The following RREB1 variants were observed in gnomAD, a reference collection of about 807,000 sequenced individuals.
The protein encoded by RREB1 is ras responsive element binding protein 1.
RREB1 carries 27 observed loss-of-function variants against 117.8 expected under a neutral mutation model. The ratio of observed to expected loss-of-function variants is 0.23; its 90% CI spans 0.17 to 0.32. The LOEUF is 0.32. Among genes scored for constraint, RREB1 ranks in the 10% least tolerant of loss-of-function variants. RREB1 has a pLI of 1.00. For synonymous variants in RREB1, 1,298 were observed against 1,026.7 expected (o/e 1.26, Z -5.05); for missense variants, 2,577 against 2,378.2 (o/e 1.08, Z -1.74).
intron 1 of RREB1, among the ~76,000 whole-genome samples, chr6:7,155,502 G>C (rs1024722472): frequency 7.2e-5 from 11 of 152,198 alleles, no homozygotes; most frequent in Non-Finnish European, 2.9e-5. Flanking sequence ...GTAGAGACAG[G>C]GTTTCACCCT....
chr6:7,147,305 T>C (rs146737770), intron 1 of RREB1, among the ~76,000 whole-genome samples: 364 of 152,334 alleles, frequency 2.4e-3, no homozygotes, highest in Middle Eastern at 6.8e-3. Context: ...TTAGAATACC[T>C]ACCATACTGC....
At chr6:7,142,771 G>A (rs749638514) in intron 1 of RREB1, among the ~76,000 whole-genome samples, 1 of 152,246 alleles carries the variant, frequency 6.6e-6, no homozygotes, top group Admixed American at 6.5e-5. Flanking sequence ...GTGACTTTAC[G>A]TGGCACCCCC....
At chr6:7,209,527 A>G (rs912214414) in intron 6 of RREB1, among the ~76,000 whole-genome samples, 6 of 152,002 alleles carry the variant, frequency 3.9e-5, no homozygotes, top group Admixed American at 6.6e-5. Context: ...GCCAAGAACT[A>G]AATAATGGTT....
chr6:7,246,926 C>T lies in RREB1; in HGVS notation c.4476C>T (p.Pro1492=), dbSNP rs752027357. ...GASTAEEGPQ[P]APEQEEKPPE... ...GCACTGCAGAGGAGGGGCCCCAGCCCGCCCCTGAACAGGAGGAGAAGCCCC... is the reference window on the plus strand; with the variant it reads ...GCACTGCAGAGGAGGGGCCCCAGCCTGCCCCTGAACAGGAGGAGAAGCCCC... Residue 1492 remains proline, a synonymous_variant, in exon 12 of 13, where the codon CCC becomes CCT. Transcript: ENST00000379938. The T allele has an allele frequency of 1.9e-5, 29 of 1,554,790 alleles. No homozygotes were observed. Among genetic ancestry groups the T allele is most frequent in the African/African-American group, 4.1e-5 (3 of 73,048 alleles).
chr6:7,143,462 G>A (rs902787984), intron 1 of RREB1, among the ~76,000 whole-genome samples: 2 of 152,154 alleles, frequency 1.3e-5, no homozygotes, highest in African/African-American at 4.8e-5. Flanking sequence ...TGCATGTTCT[G>A]GTTTCTAGTT....
At chr6:7,158,039 A>T (rs1007904869) in intron 1 of RREB1, among the ~76,000 whole-genome samples, 1 of 151,966 alleles carries the variant, frequency 6.6e-6, no homozygotes, top group African/African-American at 2.4e-5. Flanking sequence ...CTGTGGAGGG[A>T]TTCATCCCAC....
At position 7,229,602 on chromosome 6, in the gene RREB1, C is replaced by T. The variant is rs1440200377; in HGVS notation, c.1503C>T (p.Phe501=). The T allele has an allele frequency of 1.2e-6, 2 of 1,612,256 alleles. No individual in the cohort carries two copies. The highest frequency in any genetic ancestry group is 8.5e-7 in the Non-Finnish European group (1 of 1,178,954). Residue 501 remains phenylalanine, a synonymous_variant, in exon 10 of 13, where the codon TTC becomes TTT. Coordinates refer to ENST00000379938, the MANE Select transcript of RREB1 (RefSeq NM_001003699.4). This position sits in a 1 kb window ranked among gnomAD's most constrained non-coding sequence, Gnocchi z 4.5. The part of the protein sequence containing the change: ...KAPAAPLQAI[F]KHMPPLKPKP... ...CTGCCGCCCCACTGCAGGCGATCTT[C>T]AAGCACATGCCCCCTCTGAAGCCAA...
intron 8 of RREB1, among the ~76,000 whole-genome samples, chr6:7,219,974 T>G (rs1256875301): frequency 1.3e-5 from 2 of 152,170 alleles, no homozygotes; most frequent in Admixed American, 6.5e-5. Flanking sequence ...AGGCAGCTGC[T>G]TCACCTCTGC....
chr6:7,130,688 C>T (rs1234501311), intron 1 of RREB1, among the ~76,000 whole-genome samples: 2 of 151,234 alleles, frequency 1.3e-5, no homozygotes, highest in African/African-American at 4.9e-5. Flanking sequence ...GTGATCTTGG[C>T]TCACTGCAAC....
At chr6:7,166,704 A>G (rs997320518) in intron 1 of RREB1, among the ~76,000 whole-genome samples, 3 of 152,164 alleles carry the variant, frequency 2.0e-5, no homozygotes, top group African/African-American at 7.2e-5. Flanking sequence ...ATCTTCCACA[A>G]GTCATTTTGG....
intron 1 of RREB1, among the ~76,000 whole-genome samples, chr6:7,136,728 T>G (rs1177477845): frequency 3.9e-5 from 6 of 152,246 alleles, no homozygotes; most frequent in African/African-American, 1.4e-4. Flanking sequence ...TAAAGACATT[T>G]AAAACAATAA....
intron 6 of RREB1, among the ~76,000 whole-genome samples, chr6:7,190,772 C>A (rs1208333909): frequency 6.6e-6 from 1 of 152,196 alleles, no homozygotes; most frequent in East Asian, 1.9e-4. Flanking sequence ...TCGTTCTACA[C>A]CCCACACCCC....
chr6:7,133,107 G>C (rs949715058), intron 1 of RREB1, among the ~76,000 whole-genome samples: 4 of 152,120 alleles, frequency 2.6e-5, no homozygotes, highest in African/African-American at 9.7e-5. Flanking sequence ...GTTTACAATC[G>C]TAGAGCATTG....
chr6:7,193,898 C>T (rs1468087184), intron 6 of RREB1, among the ~76,000 whole-genome samples: 2 of 152,168 alleles, frequency 1.3e-5, no homozygotes, highest in Non-Finnish European at 2.9e-5. Flanking sequence ...GATTGGGACG[C>T]ACAGACTGTA....
chr6:7,188,226 C>CGTGTGTGTGTGTGTGT (rs149501678), intron 5 of RREB1, among the ~76,000 whole-genome samples: 28 of 149,412 alleles, frequency 1.9e-4, no homozygotes, highest in African/African-American at 7.4e-5. Context: ...CCCCCCCACA[C>CGTGTGTGTGTGTGTGT]GTGTGTGTGT....
intron 1 of RREB1, among the ~76,000 whole-genome samples, chr6:7,156,823 A>T (rs947798748): frequency 6.6e-6 from 1 of 152,198 alleles, no homozygotes; most frequent in African/African-American, 2.4e-5. Context: ...AGGAAACAGG[A>T]TGCTGTGTAC....
intron 1 of RREB1, among the ~76,000 whole-genome samples, chr6:7,112,049 G>T (rs1267607703): frequency 6.6e-6 from 1 of 152,164 alleles, no homozygotes; most frequent in Non-Finnish European, 1.5e-5. Flanking sequence ...CATTCCCTTA[G>T]ATTAGGTTTT....
At chr6:7,184,769 T>C (rs988754201) in intron 4 of RREB1, 2 of 151,634 alleles carry the variant, frequency 1.3e-5, no homozygotes, top group Non-Finnish European at 2.9e-5. Flanking sequence ...TGCAAGATGA[T>C]TTTTTAAACA....
chr6:7,201,502 C>G (rs1004215065), intron 6 of RREB1, among the ~76,000 whole-genome samples: 1 of 141,916 alleles, frequency 7.0e-6, no homozygotes, highest in African/African-American at 2.6e-5. Flanking sequence ...TGTCCCCCCC[C>G]CCCAACCCCC....
Sources: gnomAD v4.1 joint callset for allele counts (sites outside exome capture counted in the v4.1 genomes callset) on GRCh38, gnomAD v4.1.1 for gene constraint, Gnocchi (gnomAD v3.1) non-coding constraint, MANE v1.5 for transcripts, NCBI Gene and HGNC (gene_info 2026-07-23, HGNC 2026-07-21) for gene names.